The following CD34 variants were observed in gnomAD, a reference collection of about 807,000 sequenced individuals.
The protein encoded by CD34 is CD34 molecule.
In CD34, 34 loss-of-function variants were observed where a neutral mutation model predicts 40.1. The observed-to-expected ratio is 0.85, with a 90% confidence interval of 0.65 to 1.13. CD34 has a LOEUF of 1.13. Ranked by LOEUF, CD34 falls within the 50% of genes most tolerant of loss-of-function variation. The probability of loss-of-function intolerance (pLI) is 0.00; values close to 1 mark genes in which losing one functional copy is unlikely to be tolerated. For synonymous variants in CD34, 209 were observed against 190.0 expected (o/e 1.10, Z -0.82); for missense variants, 426 against 466.9 (o/e 0.91, Z 0.81).
chr1:207,895,926 T>C (rs1662142651), intron 4 of CD34, among the ~76,000 whole-genome samples: 1 of 152,244 alleles, frequency 6.6e-6, no homozygotes. Flanking sequence ...TGTATGTTCA[T>C]GTTTAAGTTA....
chr1:207,910,343 C>T (rs767084297), intron 1 of CD34, among the ~76,000 whole-genome samples: 6 of 152,190 alleles, frequency 3.9e-5, no homozygotes, highest in Non-Finnish European at 7.3e-5. Context: ...CTACTTCTAC[C>T]TCCTCCGCGG....
At chr1:207,906,000 C>A (rs924999510) in intron 1 of CD34, among the ~76,000 whole-genome samples, 1 of 152,212 alleles carries the variant, frequency 6.6e-6, no homozygotes, top group Non-Finnish European at 1.5e-5. Flanking sequence ...TATTCATTCT[C>A]ATTTTTCTGC....
At chr1:207,906,985 A>G (rs1161025603) in intron 1 of CD34, among the ~76,000 whole-genome samples, 33 of 152,000 alleles carry the variant, frequency 2.2e-4, no homozygotes, top group Non-Finnish European at 8.8e-5. Flanking sequence ...TACCAGCACC[A>G]CAGACTCCTG....
At position 207,883,450 on chromosome 1, in the gene CD34, T is replaced by C. The variant is rs1035160965; in HGVS notation, c.*4288A>G. The C allele has an allele frequency of 6.6e-5, 10 of 152,214 alleles. No homozygotes were observed. The highest frequency in any genetic ancestry group is 1.3e-4 in the Non-Finnish European group (9 of 68,046). The allele number at this position is 152,214 out of a possible 1,614,324, so 9.4% of individuals were successfully genotyped here. Reference sequence around the variant, plus strand: ...TCCTCGTGTTATTTCTCACTTTCTGTTGTGCATTTTTTTTCTTGCTTCTTT... The same window carrying C: ...TCCTCGTGTTATTTCTCACTTTCTGCTGTGCATTTTTTTTCTTGCTTCTTT... On this transcript the variant is annotated 3_prime_UTR_variant, in exon 8 of 8. Coordinates refer to ENST00000310833, the MANE Select transcript of CD34 (RefSeq NM_001025109.2).
intron 3 of CD34, 79 bp downstream of exon 3, chr1:207,898,894 G>T: frequency 1.4e-6 from 2 of 1,440,146 alleles, no homozygotes; most frequent in Non-Finnish European, 1.9e-6. Context: ...ATGAGGAGAG[G>T]GGTGGAGGGA....
intron 4 of CD34, among the ~76,000 whole-genome samples, chr1:207,891,029 G>A (rs948233415): frequency 4.6e-5 from 7 of 151,982 alleles, no homozygotes; most frequent in East Asian, 3.9e-4. Context: ...GAGCACCCCC[G>A]CTCCCCAGCA....
chr1:207,905,749 T>A (rs949533015), intron 1 of CD34, among the ~76,000 whole-genome samples: 2 of 152,184 alleles, frequency 1.3e-5, no homozygotes, highest in African/African-American at 4.8e-5. Flanking sequence ...ATGTGACAGG[T>A]CACAGTCAAA....
At chr1:207,889,310 G>C in intron 5 of CD34, 97 bp from the exon 6 acceptor site, 1 of 1,592,526 alleles carries the variant, frequency 6.3e-7, no homozygotes, top group Non-Finnish European at 8.6e-7. Flanking sequence ...GATGGCCAGG[G>C]TGGTCCATCT....
Position 207,903,137 on chromosome 1 carries a change from C to T in CD34, c.80-3134G>A, listed in dbSNP as rs760034689. Among the ~76,000 whole-genome samples the T allele has an allele frequency of 6.8e-4, 104 of 152,304 alleles. 1 individual carries two copies. Among genetic ancestry groups the T allele is most frequent in the Admixed American group, 5.3e-3 (81 of 15,308 alleles). On this transcript the variant is annotated intron_variant, in intron 1 of 7. Coordinates refer to ENST00000310833, the MANE Select transcript of CD34 (RefSeq NM_001025109.2). ...GGAGCCAATCCTGGCATAAACACTG[C>T]GGCACAGCAGGGAGAGTGCATCTTT...
chr1:207,891,253 T>G (rs1006689630), intron 4 of CD34, among the ~76,000 whole-genome samples: 2 of 152,176 alleles, frequency 1.3e-5, no homozygotes, highest in Admixed American at 1.3e-4. Flanking sequence ...TATAGGACAC[T>G]GCGTGAAAGC....
chr1:207,888,935 G>T, intron 6 of CD34, 89 bp from the exon 7 acceptor site: 2 of 1,307,460 alleles, frequency 1.5e-6, no homozygotes, highest in South Asian at 1.3e-5. Context: ...ACTCAACAGT[G>T]AACAGATGCT....
In CD34 at chr1:207,887,890, C is replaced by T. The variant is rs1367377590; in HGVS notation, c.1006G>A (p.Gly336Ser). 2.5e-6 allele frequency: 4 copies of T among 1,614,030 alleles called. No individual in the cohort carries two copies. Among genetic ancestry groups the T allele is most frequent in the Non-Finnish European group, 2.5e-6 (3 of 1,180,040 alleles). ...EDPYYTENGG[G>S]QGYSSGPGTS... Reference sequence around the variant, plus strand: ...CCAGGTCCTGAGCTATAGCCCTGGCCTCCACCGTTTTCCGTGTAATAAGGG... The same window carrying T: ...CCAGGTCCTGAGCTATAGCCCTGGCTTCCACCGTTTTCCGTGTAATAAGGG... The change falls in exon 8 of 8, where the codon GGC (glycine) becomes AGC (serine). Residue 336 changes from glycine (G) to serine (S), a missense_variant. By Grantham distance (56) the Gly-to-Ser change is moderately conservative. Coordinates refer to ENST00000310833, the MANE Select transcript of CD34 (RefSeq NM_001025109.2).
In CD34 at chr1:207,883,612, C is replaced by G. The variant is rs1661845346; in HGVS notation, c.*4126G>C. On this transcript the variant is annotated 3_prime_UTR_variant, in exon 8 of 8. Coordinates refer to ENST00000310833, the MANE Select transcript of CD34 (RefSeq NM_001025109.2). ...ATTCTCTGAGTTTCAGTTTCTTTTT[C>G]TGAGATAATAGAACCTACTTCACAG... 1 of 152,152 alleles carries G rather than the reference C, an allele frequency of 6.6e-6. No homozygotes were observed. The highest frequency in any genetic ancestry group is 1.5e-5 in the Non-Finnish European group (1 of 68,022). 9.4% of individuals were successfully genotyped at this position (152,152 alleles called of 1,614,324 possible).
At position 207,885,388 on chromosome 1, in the gene CD34, A is replaced by G. The variant is rs952808553; in HGVS notation, c.*2350T>C. The G allele has an allele frequency of 6.6e-6, 1 of 152,324 alleles. No individual in the cohort carries two copies. Among genetic ancestry groups the G allele is most frequent in the African/African-American group, 2.4e-5 (1 of 41,386 alleles). 9.4% of individuals were successfully genotyped at this position (152,324 alleles called of 1,614,324 possible). A position where few individuals can be genotyped will look rare whatever the true frequency, so the allele number is the denominator to read the frequency against. ...CCCCACCCCACCCCGCAATACACAC[A>G]CAGCCCTTCCTCCCAAAGCATACAT... On this transcript the variant is annotated 3_prime_UTR_variant, in exon 8 of 8. Transcript: ENST00000310833.
At chr1:207,891,518 TA>T (rs1353900402) in intron 4 of CD34, among the ~76,000 whole-genome samples, 1 of 151,528 alleles carries the variant, frequency 6.6e-6, no homozygotes, top group Non-Finnish European at 1.5e-5. Flanking sequence ...CCTATCTCTA[TA>T]AAAAATTTAG....
chr1:207,902,678 C>A (rs533164360), intron 1 of CD34, among the ~76,000 whole-genome samples: 12 of 152,340 alleles, frequency 7.9e-5, no homozygotes, highest in Non-Finnish European at 1.3e-4. Flanking sequence ...CCAGAGGAAG[C>A]TGGGCCTGAC....
At chr1:207,893,779 C>G (rs1662082604) in intron 4 of CD34, among the ~76,000 whole-genome samples, 1 of 151,972 alleles carries the variant, frequency 6.6e-6, no homozygotes. Context: ...AGACTTTTCC[C>G]CAAAGAAGAT....
chr1:207,894,798 G>A (rs1662115200), intron 4 of CD34, among the ~76,000 whole-genome samples: 1 of 152,044 alleles, frequency 6.6e-6, no homozygotes. Context: ...GCTGCCTAGA[G>A]ATGATGGCTG....
intron 1 of CD34, among the ~76,000 whole-genome samples, chr1:207,903,940 T>G (rs1353300251): frequency 6.6e-6 from 1 of 152,268 alleles, no homozygotes; most frequent in East Asian, 1.9e-4. Flanking sequence ...GTCACTGAGT[T>G]GCAACATAGC....
Sources: gnomAD v4.1 joint callset for allele counts (sites outside exome capture counted in the v4.1 genomes callset) on GRCh38, gnomAD v4.1.1 for gene constraint, MANE v1.5 for transcripts, NCBI Gene and HGNC (gene_info 2026-07-23, HGNC 2026-07-21) for gene names.